GRID2IP: variants seen among roughly 807,000 people sequenced by gnomAD.
GRID2IP encodes the protein Grid2 interacting protein.
A neutral mutation model predicts 114.3 loss-of-function variants in GRID2IP; 78 were observed. That is an observed-to-expected ratio of 0.68 (90% CI 0.57 to 0.82). The LOEUF is 0.82. Among genes scored for constraint, GRID2IP ranks in the 40% least tolerant of loss-of-function variants. The pLI, the probability that GRID2IP is intolerant of heterozygous loss-of-function variation, is 0.00. For synonymous variants in GRID2IP, 809 were observed against 724.0 expected (o/e 1.12, Z -1.89); for missense variants, 1,727 against 1,678.5 (o/e 1.03, Z -0.51).
At position 6,499,954 on chromosome 7, in the gene GRID2IP, C is replaced by A. The variant is rs559701570; in HGVS notation, c.3400-1726G>T. Among the ~76,000 whole-genome samples the A allele has an allele frequency of 1.9e-3, 288 of 151,938 alleles. 1 individual carries two copies. The highest frequency in any genetic ancestry group is 6.9e-3 in the African/African-American group (285 of 41,470). ...CTATGTTGCCCAGGCTGGTCTCAAA[C>A]TCCTGGCCTCAAGCAATCTCTCAGC... is the stretch of plus-strand genomic sequence containing the variant. On this transcript the variant is annotated intron_variant, in intron 20 of 21. Transcript: ENST00000457091.
At chr7:6,512,269 C>T (rs1389527537) in intron 8 of GRID2IP, among the ~76,000 whole-genome samples, 1 of 112,510 alleles carries the variant, frequency 8.9e-6, no homozygotes, top group Admixed American at 1.0e-4. Flanking sequence ...CTCACTCTGT[C>T]CCCCAGGCTG....
rs1320318856 is a variant in GRID2IP, at chr7:6,497,680, G to A, written c.*94C>T. On this transcript the variant is annotated 3_prime_UTR_variant, in exon 22 of 22. Transcript: ENST00000457091. ...GAGGCTGGCGGTGTGCTCAGAGCCC[G>A]GGGCACAGTGGCCCCGGACCTCGGC... is the stretch of plus-strand genomic sequence containing the variant. The A allele has an allele frequency of 1.8e-5, 16 of 912,298 alleles. No homozygotes were observed. The highest frequency in any genetic ancestry group is 8.2e-5 in the East Asian group (3 of 36,636). The allele number at this position is 912,298 out of a possible 1,614,324, so 56.5% of individuals were successfully genotyped here.
intron 1 of GRID2IP, among the ~76,000 whole-genome samples, chr7:6,541,984 T>C (rs1340677079): frequency 6.6e-6 from 1 of 152,204 alleles, no homozygotes; most frequent in Non-Finnish European, 1.5e-5. Context: ...TTGTAGTTTC[T>C]TGGCTATCTA....
At chr7:6,497,948 G>A in intron 21 of GRID2IP, 103 bp from the exon 22 acceptor site, 3 of 1,400,222 alleles carry the variant, frequency 2.1e-6, no homozygotes, top group East Asian at 2.5e-5. Flanking sequence ...GGGGTTAGGG[G>A]GACATGTCGC....
chr7:6,497,709 G>T lies in GRID2IP; in HGVS notation c.*65C>A. On this transcript the variant is annotated 3_prime_UTR_variant, in exon 22 of 22. Transcript: ENST00000457091. ...CACAGTGGCCCCGGACCTCGGCAGTGTCTGGGCTGCCCTCTCGGCCTCCAT... is the reference window on the plus strand; with the variant it reads ...CACAGTGGCCCCGGACCTCGGCAGTTTCTGGGCTGCCCTCTCGGCCTCCAT... The T allele has an allele frequency of 7.9e-7, 1 of 1,273,030 alleles. No individual in the cohort carries two copies. Among genetic ancestry groups the T allele is most frequent in the Non-Finnish European group, 1.1e-6 (1 of 909,210 alleles). 78.9% of individuals were successfully genotyped at this position (1,273,030 alleles called of 1,614,324 possible).
At position 6,509,131 on chromosome 7, in the gene GRID2IP, T is replaced by C. The variant is rs940135284; in HGVS notation, c.1954A>G (p.Ser652Gly). The C allele has an allele frequency of 4.1e-6, 6 of 1,472,698 alleles. No individual in the cohort carries two copies. The African/African-American group carries it at 5.6e-5, about 14-fold the overall frequency. The allele number at this position is 1,472,698 out of a possible 1,614,324, so 91.2% of individuals were successfully genotyped here. A position where few individuals can be genotyped will look rare whatever the true frequency, so the allele number is the denominator to read the frequency against. ...CGGGTGGGGTCCGGGCTTGGGGGGC[T>C]GTCGGGGCAGATGGGCCCGGGGCCT... ...QPGPGPICPD[S>G]PPSPDPTRPP... The change falls in exon 12 of 22, where the codon AGC (serine) becomes GGC (glycine). Residue 652 changes from serine (S) to glycine (G), a missense_variant. Ser to Gly is a moderately conservative substitution (Grantham distance 56, BLOSUM62 0). Coordinates refer to ENST00000457091, the MANE Select transcript of GRID2IP (RefSeq NM_001145118.2). The surrounding 1 kb of genome is among the most constrained non-coding windows in gnomAD (Gnocchi z 4.9).
chr7:6,541,654 CGTGCAAATGCACACGTTGGAAACGAGT>C (rs1254885943), intron 1 of GRID2IP, among the ~76,000 whole-genome samples: 5 of 152,130 alleles, frequency 3.3e-5, no homozygotes, highest in Admixed American at 6.6e-5. Context: ...TGGAAACGAG[CGTGCAAATGCACACGTTGGAAACGAGT>C]GTGCAAATGG....
In GRID2IP at chr7:6,520,290, C is replaced by CA. The variant is rs376167421; in HGVS notation, c.1268+287dup. 0.16 allele frequency among the ~76,000 whole-genome samples: 22,755 copies of CA among 143,630 alleles called. 3,582 individuals carry two copies. Among genetic ancestry groups the CA allele is most frequent in the African/African-American group, 0.41 (16,355 of 39,734 alleles). 94.2% of individuals were successfully genotyped at this position (143,630 alleles called of 152,430 possible). On this transcript the variant is annotated intron_variant, in intron 7 of 21. Coordinates refer to ENST00000457091, the MANE Select transcript of GRID2IP (RefSeq NM_001145118.2). The surrounding 1 kb of genome is among the most constrained non-coding windows in gnomAD (Gnocchi z 4.6). ...TGGGTGATAGAGCGAGACTCCATCT[C>CA]AAAAAAAAAAAATAGAATGTTGCAG...
rs1462703306 is a variant in GRID2IP at position 6,510,748 on chromosome 7, C to T, written c.1556-42G>A. 2.0e-6 allele frequency: 3 copies of T among 1,527,932 alleles called. No homozygotes were observed. The African/African-American group carries it at 4.2e-5, about 21-fold the overall frequency. 94.6% of individuals were successfully genotyped at this position (1,527,932 alleles called of 1,614,324 possible). ...TCATTACCGTATCTGAGCTCTACGG[C>T]TCAGGCCCCGGCCCAGAACCAACAT... is the stretch of plus-strand genomic sequence containing the variant. On this transcript the variant is annotated intron_variant, in intron 9 of 21. Transcript: ENST00000457091.
chr7:6,506,468 G>A lies in GRID2IP; in HGVS notation c.2545-561C>T, dbSNP rs181169317. Reference sequence around the variant, plus strand: ...GAACCCAAAGGGAGGGCAGGCAGGGGAATGAAGTCTTAGAACATGGCTGCA... The same window carrying A: ...GAACCCAAAGGGAGGGCAGGCAGGGAAATGAAGTCTTAGAACATGGCTGCA... On this transcript the variant is annotated intron_variant, in intron 13 of 21. Coordinates refer to ENST00000457091, the MANE Select transcript of GRID2IP (RefSeq NM_001145118.2). The surrounding 1 kb of genome is among the most constrained non-coding windows in gnomAD (Gnocchi z 5.2). Among the ~76,000 whole-genome samples the A allele has an allele frequency of 2.1e-3, 317 of 152,320 alleles. 1 individual carries two copies. Among genetic ancestry groups the A allele is most frequent in the African/African-American group, 7.3e-3 (303 of 41,578 alleles).
At chr7:6,503,791 G>GCGGGGCCTAGGGGAGAGGA (rs1786489856) in intron 15 of GRID2IP, 104 bp from the exon 16 acceptor site, 3 of 805,480 alleles carry the variant, frequency 3.7e-6, no homozygotes, top group Admixed American at 6.6e-5. Flanking sequence ...CGGACACGGG[G>GCGGGGCCTAGGGGAGAGGA]CGGGGCCTAG....
intron 1 of GRID2IP, among the ~76,000 whole-genome samples, chr7:6,540,687 A>ATTTTTTT (rs34930808): frequency 1.2e-4 from 11 of 92,266 alleles, no homozygotes; most frequent in African/African-American, 2.8e-4. Flanking sequence ...CACCTGGCTA[A>ATTTTTTT]TTTTTTTTTT....
At position 6,551,045 on chromosome 7, in the gene GRID2IP, C is replaced by T. The variant is rs1443239035; in HGVS notation, c.392G>A (p.Arg131Gln). 1 of 1,299,704 alleles carries T rather than the reference C, an allele frequency of 7.7e-7. No homozygotes were observed. The highest frequency in any genetic ancestry group is 2.3e-5 in the South Asian group (1 of 43,696). 80.5% of individuals were successfully genotyped at this position (1,299,704 alleles called of 1,614,324 possible). A position where few individuals can be genotyped will look rare whatever the true frequency, so the allele number is the denominator to read the frequency against. Residue 131 changes from arginine to glutamine, a missense_variant, in exon 1 of 22, where the codon CGA (arginine) becomes CAA (glutamine). Transcript: ENST00000457091. ...AGRKRPDAVH[R>Q]ERRRKAQEFS... ...CTCTTGGGCCTTGCGCCTGCGCTCT[C>T]GGTGCACCGCGTCCGGGCGCTTGCG...
In GRID2IP at chr7:6,508,189, A is replaced by C. The variant is rs1357466606; in HGVS notation, c.2340T>G (p.Pro780=). 7.0e-7 allele frequency: 1 copy of C among 1,419,432 alleles called. No homozygotes were observed. 87.9% of individuals were successfully genotyped at this position (1,419,432 alleles called of 1,614,324 possible). A position where few individuals can be genotyped will look rare whatever the true frequency, so the allele number is the denominator to read the frequency against. Reference sequence around the variant, plus strand: ...TGAGGGGCTTGGCCAGCGCCTGAGCAGGGCCCCGGGAACCATCAGAGCTGC... The same window carrying C: ...TGAGGGGCTTGGCCAGCGCCTGAGCCGGGCCCCGGGAACCATCAGAGCTGC... ...SSRSSDGSRG[P]AQALAKPLTQ... Residue 780 remains proline, a synonymous_variant, in exon 13 of 22, where the codon CCT becomes CCG. Transcript: ENST00000457091. The surrounding 1 kb of genome is among the most constrained non-coding windows in gnomAD (Gnocchi z 5.6).
chr7:6,514,269 G>A (rs1267806944), intron 8 of GRID2IP, 106 bp downstream of exon 8: 3 of 1,069,760 alleles, frequency 2.8e-6, no homozygotes, highest in Non-Finnish European at 3.8e-6. Context: ...AAACAAACAA[G>A]CAAACAAACA....
At position 6,532,576 on chromosome 7, in the gene GRID2IP, A is replaced by AG. The variant is rs1363081746; in HGVS notation, c.585-5808dup. On this transcript the variant is annotated intron_variant, in intron 2 of 21. Coordinates refer to ENST00000457091, the MANE Select transcript of GRID2IP (RefSeq NM_001145118.2). The surrounding 1 kb of genome is among the most constrained non-coding windows in gnomAD (Gnocchi z 4.4). Reference sequence around the variant, plus strand: ...CTGGAAGCAGCCAGAAACTGGAGCCAGTGCCCACTCATGCCGTGCCCTCCC... The same window carrying AG: ...CTGGAAGCAGCCAGAAACTGGAGCCAGGTGCCCACTCATGCCGTGCCCTCCC... 6.6e-6 allele frequency among the ~76,000 whole-genome samples: 1 copy of AG among 152,168 alleles called. No homozygotes were observed. Among genetic ancestry groups the AG allele is most frequent in the African/African-American group, 2.4e-5 (1 of 41,446 alleles).
rs1022737276 is a variant in GRID2IP, at chr7:6,528,747, C to T, written c.585-1978G>A. Among the ~76,000 whole-genome samples the T allele has an allele frequency of 6.6e-6, 1 of 151,924 alleles. No individual in the cohort carries two copies. The highest frequency in any genetic ancestry group is 2.4e-5 in the African/African-American group (1 of 41,370). On this transcript the variant is annotated intron_variant, in intron 2 of 21. Coordinates refer to ENST00000457091, the MANE Select transcript of GRID2IP (RefSeq NM_001145118.2). This position sits in a 1 kb window ranked among gnomAD's most constrained non-coding sequence, Gnocchi z 6.0. ...GTGGGAGGAAGTGGGTGTGGATTCT[C>T]AGGGAGGAGGCTCTGTCCCCGCAGT...
intron 2 of GRID2IP, among the ~76,000 whole-genome samples, chr7:6,531,520 G>A (rs1471178181): frequency 2.6e-5 from 4 of 152,236 alleles, no homozygotes; most frequent in African/African-American, 9.6e-5. Flanking sequence ...TTTCCGGAGG[G>A]GATGCCCTTT....
chr7:6,512,873 A>T (rs1464656), intron 8 of GRID2IP, among the ~76,000 whole-genome samples: 80,945 of 151,812 alleles, frequency 0.53, 22,270 homozygotes, highest in African/African-American at 0.62. Context: ...CCCAAGCTGG[A>T]CTTGGAACTC....
Sources: gnomAD v4.1 joint callset for allele counts (sites outside exome capture counted in the v4.1 genomes callset) on GRCh38, gnomAD v4.1.1 for gene constraint, Gnocchi (gnomAD v3.1) non-coding constraint, MANE v1.5 for transcripts, NCBI Gene and HGNC (gene_info 2026-07-23, HGNC 2026-07-21) for gene names.